KCNIP4: variants seen among roughly 807,000 people sequenced by gnomAD.
KCNIP4 encodes potassium voltage-gated channel interacting protein 4, also known as Kv channel-interacting protein 4.
A neutral mutation model predicts 34.0 loss-of-function variants in KCNIP4; 12 were observed. The ratio of observed to expected loss-of-function variants is 0.35; its 90% CI spans 0.23 to 0.57. The LOEUF (loss-of-function observed/expected upper bound fraction) is 0.57, where lower values mean the gene tolerates loss of function less well. Among genes scored for constraint, KCNIP4 ranks in the 20% least tolerant of loss-of-function variants. The pLI is 0.83. For synonymous variants in KCNIP4, 124 were observed against 102.2 expected (o/e 1.21, Z -1.29); for missense variants, 238 against 311.7 (o/e 0.76, Z 1.78).
intron 1 of KCNIP4, among the ~76,000 whole-genome samples, chr4:21,717,298 C>T (rs139385419): frequency 2.7e-3 from 406 of 152,256 alleles, no homozygotes; most frequent in African/African-American, 9.3e-3. Context: ...AGTCTACGAA[C>T]TTGACTAATG....
chr4:21,189,234 G>A (rs1276294595), intron 1 of KCNIP4, among the ~76,000 whole-genome samples: 1 of 152,136 alleles, frequency 6.6e-6, no homozygotes, highest in African/African-American at 2.4e-5. Context: ...TTAATGTGAT[G>A]CTGAGGACCA....
intron 1 of KCNIP4, among the ~76,000 whole-genome samples, chr4:21,268,469 C>T (rs1054102774): frequency 2.0e-5 from 3 of 152,148 alleles, no homozygotes; most frequent in African/African-American, 7.2e-5. Context: ...ACCACTGTTT[C>T]CTCTCATTAA....
chr4:20,910,293 G>T (rs1049403909), intron 1 of KCNIP4, among the ~76,000 whole-genome samples: 1 of 152,122 alleles, frequency 6.6e-6, no homozygotes, highest in East Asian at 1.9e-4. Context: ...ATGTGTGTGT[G>T]TGTGTGTGTA....
chr4:21,837,054 A>C (rs1249525309), intron 1 of KCNIP4, among the ~76,000 whole-genome samples: 1 of 151,012 alleles, frequency 6.6e-6, no homozygotes, highest in East Asian at 2.0e-4. Flanking sequence ...AATAGCTGGG[A>C]CTACAGGGGC....
intron 1 of KCNIP4, among the ~76,000 whole-genome samples, chr4:21,475,134 T>C (rs1000334731): frequency 6.6e-6 from 1 of 152,142 alleles, no homozygotes; most frequent in Non-Finnish European, 1.5e-5. Flanking sequence ...CCTAACATAT[T>C]TTTATTAGGA....
chr4:21,577,625 C>T (rs912800773), intron 1 of KCNIP4, among the ~76,000 whole-genome samples: 9 of 106,434 alleles, frequency 8.5e-5, no homozygotes, highest in Non-Finnish European at 1.3e-4. Context: ...GAGCGAAACT[C>T]CATCTTAAAA....
chr4:21,770,934 C>T (rs1005915559), intron 1 of KCNIP4, among the ~76,000 whole-genome samples: 1 of 152,144 alleles, frequency 6.6e-6, no homozygotes, highest in Non-Finnish European at 1.5e-5. Context: ...TGTGCAGAAG[C>T]TCTTTAGTTT....
At chr4:21,848,953 T>TGTGTCTGC (rs1553937921) in intron 1 of KCNIP4, 3 of 150,556 alleles carry the variant, frequency 2.0e-5, no homozygotes, top group Non-Finnish European at 4.4e-5. Context: ...TATATGTGTG[T>TGTGTCTGC]GTGTGTGTGT....
intron 1 of KCNIP4, among the ~76,000 whole-genome samples, chr4:21,444,046 A>G (rs1727735124): frequency 6.6e-6 from 1 of 152,202 alleles, no homozygotes; most frequent in African/African-American, 2.4e-5. Flanking sequence ...AAATTCCTCG[A>G]CACATACACC....
intron 1 of KCNIP4, among the ~76,000 whole-genome samples, chr4:21,080,812 G>A (rs951516741): frequency 3.3e-5 from 5 of 151,744 alleles, no homozygotes; most frequent in African/African-American, 1.2e-4. Flanking sequence ...ACTACCAATG[G>A]TGTTTTCCAC....
At chr4:20,864,489 A>G (rs987815495) in intron 2 of KCNIP4, among the ~76,000 whole-genome samples, 3 of 152,014 alleles carry the variant, frequency 2.0e-5, no homozygotes, top group African/African-American at 7.2e-5. Context: ...ATACCAACAC[A>G]GAGAGACTAA....
chr4:21,441,769 A>G (rs556146751), intron 1 of KCNIP4, among the ~76,000 whole-genome samples: 16 of 152,308 alleles, frequency 1.1e-4, no homozygotes, highest in African/African-American at 3.8e-4. Context: ...CATTTTAATA[A>G]AAGTCTAGAA....
At chr4:21,568,458 G>A (rs990758882) in intron 1 of KCNIP4, among the ~76,000 whole-genome samples, 2 of 152,126 alleles carry the variant, frequency 1.3e-5, no homozygotes, top group African/African-American at 4.8e-5. Context: ...CTGTAAGGGT[G>A]TTGCCAGAGG....
rs376580847 is a variant in KCNIP4 at position 21,043,473 on chromosome 4, G to A, written c.62-160764C>T. Among the ~76,000 whole-genome samples, 9 of 151,934 alleles carry A rather than the reference G, an allele frequency of 5.9e-5. No individual in the cohort carries two copies. The South Asian group carries it at 1.9e-3, about 32-fold the overall frequency. The stretch of plus-strand genomic sequence containing the variant: ...GCCTCCCTAGTAGCTGGGACTACAG[G>A]AGTGCACCACCATGCCCAGCTAATT... On this transcript the variant is annotated intron_variant, in intron 1 of 8. Transcript: ENST00000382152.
At chr4:21,892,256 T>C (rs955694980) in intron 1 of KCNIP4, among the ~76,000 whole-genome samples, 2 of 151,976 alleles carry the variant, frequency 1.3e-5, no homozygotes, top group Non-Finnish European at 2.9e-5. Flanking sequence ...AGATGTCAGA[T>C]GTCATGATCA....
intron 1 of KCNIP4, among the ~76,000 whole-genome samples, chr4:21,260,550 C>T (rs1219674040): frequency 6.6e-6 from 1 of 151,108 alleles, no homozygotes; most frequent in Non-Finnish European, 1.5e-5. Flanking sequence ...TGTTAGGCCA[C>T]ATGAGCATAA....
chr4:21,315,790 A>T (rs1297924222), intron 1 of KCNIP4, among the ~76,000 whole-genome samples: 1 of 152,010 alleles, frequency 6.6e-6, no homozygotes, highest in Non-Finnish European at 1.5e-5. Flanking sequence ...TGATCTACCC[A>T]CTGTATACCT....
intron 1 of KCNIP4, among the ~76,000 whole-genome samples, chr4:21,649,721 T>C (rs566382678): frequency 6.6e-6 from 1 of 152,338 alleles, no homozygotes; most frequent in East Asian, 1.9e-4. Context: ...ATAGCACTTT[T>C]TAACTTGAAG....
At chr4:21,549,969 T>A (rs566410715) in intron 1 of KCNIP4, among the ~76,000 whole-genome samples, 53 of 152,224 alleles carry the variant, frequency 3.5e-4, no homozygotes, top group African/African-American at 9.6e-4. Context: ...TTTGGTTAGA[T>A]TTATTCCAAT....
Sources: gnomAD v4.1 joint callset for allele counts (sites outside exome capture counted in the v4.1 genomes callset) on GRCh38, gnomAD v4.1.1 for gene constraint, MANE v1.5 for transcripts, NCBI Gene and HGNC (gene_info 2026-07-23, HGNC 2026-07-21) for gene names.